DISC1: variants seen among roughly 807,000 people sequenced by gnomAD.
DISC1 encodes disrupted in schizophrenia 1 protein.
In DISC1, 57 loss-of-function variants were observed where a neutral mutation model predicts 84.5. That is an observed-to-expected ratio of 0.67 (90% CI 0.55 to 0.84). The LOEUF (loss-of-function observed/expected upper bound fraction) is 0.84, where lower values mean the gene tolerates loss of function less well. DISC1 is among the 40% of genes least tolerant of loss of function. DISC1 has a pLI of 0.00. For missense variants in DISC1, 1,000 were observed against 1,057.8 expected, an observed-to-expected ratio of 0.95 and a Z score of 0.76; for synonymous variants, 411 against 415.2, an observed-to-expected ratio of 0.99 and a Z score of 0.12.
chr1:231,749,901 C>T (rs1281420783), intron 3 of DISC1, 25 bp from the exon 4 acceptor site: 2 of 1,613,982 alleles, frequency 1.2e-6, no homozygotes, highest in Non-Finnish European at 1.7e-6. Flanking sequence ...CTTTTTTCCT[C>T]TCTCTCATCA....
chr1:231,821,414 C>G (rs539251512), intron 9 of DISC1, among the ~76,000 whole-genome samples: 2 of 152,290 alleles, frequency 1.3e-5, no homozygotes, highest in Admixed American at 6.5e-5. Context: ...CAAAGGGAGA[C>G]AGACCTCATC....
chr1:231,788,613 A>G (rs912050732), intron 6 of DISC1, among the ~76,000 whole-genome samples: 1 of 152,218 alleles, frequency 6.6e-6, no homozygotes, highest in South Asian at 2.1e-4. Context: ...AATATAGCCC[A>G]TGAAAGGAAA....
intron 3 of DISC1, among the ~76,000 whole-genome samples, chr1:231,732,835 T>C (rs2071705439): frequency 6.6e-6 from 1 of 152,200 alleles, no homozygotes; most frequent in South Asian, 2.1e-4. Flanking sequence ...GTTGGAGTGC[T>C]AGCGGAGGTG....
intron 9 of DISC1, among the ~76,000 whole-genome samples, chr1:231,914,935 C>T (rs202018481): frequency 2.0e-4 from 31 of 152,296 alleles, no homozygotes; most frequent in Admixed American, 4.6e-4. Flanking sequence ...AGCTTGGCTG[C>T]AGAAGAGGGC....
At chr1:232,006,336 T>A (rs1344299490) in intron 10 of DISC1, among the ~76,000 whole-genome samples, 2 of 152,214 alleles carry the variant, frequency 1.3e-5, no homozygotes, top group Non-Finnish European at 2.9e-5. Context: ...TGAATGGCTT[T>A]GACCAAAATG....
At chr1:231,747,860 C>A (rs1286004889) in intron 3 of DISC1, among the ~76,000 whole-genome samples, 1 of 152,078 alleles carries the variant, frequency 6.6e-6, no homozygotes. Flanking sequence ...TTCTTACAAT[C>A]CATCAGTATG....
chr1:231,760,452 A>T (rs2075558199), intron 4 of DISC1, among the ~76,000 whole-genome samples: 3 of 152,240 alleles, frequency 2.0e-5, no homozygotes, highest in Admixed American at 6.5e-5. Flanking sequence ...TAGCAACCTT[A>T]ATCAGAAGAG....
chr1:231,723,641 G>A (rs2070201026), intron 3 of DISC1: 3 of 985,290 alleles, frequency 3.0e-6, no homozygotes, highest in African/African-American at 3.5e-5. Flanking sequence ...GGTGATTTTT[G>A]TCTCATCAAT....
intron 11 of DISC1, among the ~76,000 whole-genome samples, chr1:232,016,617 TAAACTAG>T (rs1456541286): frequency 6.6e-6 from 1 of 152,244 alleles, no homozygotes; most frequent in African/African-American, 2.4e-5. Flanking sequence ...GCCCTTCAAG[TAAACTAG>T]AAACCACAGG....
chr1:231,757,247 C>A (rs910243788), intron 4 of DISC1, among the ~76,000 whole-genome samples: 1 of 152,130 alleles, frequency 6.6e-6, no homozygotes, highest in Non-Finnish European at 1.5e-5. Context: ...CACGTGTACA[C>A]ATGTACATAT....
At chr1:231,720,871 A>G (rs1573226764) in intron 3 of DISC1, 6 of 1,290,972 alleles carry the variant, frequency 4.6e-6, no homozygotes, top group Non-Finnish European at 6.1e-6. Flanking sequence ...AGTTGCTACC[A>G]GTCATCTCAC....
At chr1:231,967,501 T>C (rs1661281883) in intron 10 of DISC1, among the ~76,000 whole-genome samples, 1 of 152,258 alleles carries the variant, frequency 6.6e-6, no homozygotes, top group Non-Finnish European at 1.5e-5. Context: ...CATAATTTTC[T>C]TACTGATGAG....
At chr1:232,003,138 A>T (rs1417005838) in intron 10 of DISC1, among the ~76,000 whole-genome samples, 1 of 152,240 alleles carries the variant, frequency 6.6e-6, no homozygotes, top group Non-Finnish European at 1.5e-5. Context: ...GAAAACACCA[A>T]TAATTACACA....
intron 8 of DISC1, among the ~76,000 whole-genome samples, chr1:231,808,910 A>T (rs1386932273): frequency 6.6e-6 from 1 of 152,184 alleles, no homozygotes; most frequent in Non-Finnish European, 1.5e-5. Context: ...TAATTTACGG[A>T]TCCTGGGCAG....
intron 10 of DISC1, among the ~76,000 whole-genome samples, chr1:231,963,096 C>G (rs1660611112): frequency 2.0e-5 from 3 of 152,172 alleles, no homozygotes; most frequent in Non-Finnish European, 4.4e-5. Context: ...TTGCACAAGG[C>G]TGCCCGATGT....
chr1:231,790,328 G>A (rs1451130986), intron 6 of DISC1, among the ~76,000 whole-genome samples: 5 of 152,046 alleles, frequency 3.3e-5, no homozygotes, highest in African/African-American at 4.8e-5. Context: ...AAAGTACCAT[G>A]GACAGGGTGG....
intron 4 of DISC1, among the ~76,000 whole-genome samples, chr1:231,761,004 A>G (rs1272514680): frequency 6.6e-6 from 1 of 152,212 alleles, no homozygotes; most frequent in Non-Finnish European, 1.5e-5. Flanking sequence ...TTGTCAATGG[A>G]ATGAAAACAT....
intron 9 of DISC1, among the ~76,000 whole-genome samples, chr1:231,820,167 AT>A (rs555831623): frequency 7.3e-4 from 111 of 152,118 alleles, no homozygotes; most frequent in Non-Finnish European, 9.3e-4. Context: ...CACGTGCTTA[AT>A]TTTTTTTAAC....
chr1:231,823,610 A>T (rs1378262210), intron 9 of DISC1, among the ~76,000 whole-genome samples: 1 of 152,238 alleles, frequency 6.6e-6, no homozygotes, highest in Non-Finnish European at 1.5e-5. Context: ...TTTATAACAC[A>T]TGCAGAAAGC....
Sources: allele counts gnomAD v4.1 joint callset (sites outside exome capture counted in the v4.1 genomes callset), GRCh38; gene constraint gnomAD v4.1.1; transcripts MANE v1.5; gene names NCBI Gene and HGNC (gene_info 2026-07-23, HGNC 2026-07-21).